The following TRAPPC9 variants were observed in gnomAD, a reference collection of about 807,000 sequenced individuals.
TRAPPC9 encodes the protein IKK2 binding protein.
TRAPPC9 carries 83 observed loss-of-function variants against 124.0 expected under a neutral mutation model. That is an observed-to-expected ratio of 0.67 (90% CI 0.56 to 0.80). The LOEUF is 0.80. Ranked by LOEUF, TRAPPC9 falls within the 30% of genes least tolerant of loss-of-function variation. The probability of loss-of-function intolerance (pLI) is 0.00; values close to 1 mark genes in which losing one functional copy is unlikely to be tolerated. For synonymous variants in TRAPPC9, 638 were observed against 617.5 expected, an observed-to-expected ratio of 1.03 and a Z score of -0.49; for missense variants, 1,302 against 1,508.3, an observed-to-expected ratio of 0.86 and a Z score of 2.27.
At chr8:140,061,556 A>G (rs1266008756) in intron 17 of TRAPPC9, among the ~76,000 whole-genome samples, 3 of 152,098 alleles carry the variant, frequency 2.0e-5, no homozygotes, top group African/African-American at 7.2e-5. Context: ...AGCCTTGAAC[A>G]AAGGAGAGGC....
rs117397013 is a variant in TRAPPC9 at position 140,051,733 on chromosome 8, G to A, written c.2557-27654C>T. ...TTATTTAAGGATGCATCGTAAGGAC[G>A]GCTGCTCCCCCACGTAGGACAAAGG... On this transcript the variant is annotated intron_variant, in intron 17 of 22. Coordinates refer to ENST00000438773, the MANE Select transcript of TRAPPC9 (RefSeq NM_001160372.4). Among the ~76,000 whole-genome samples the A allele has an allele frequency of 7.7e-3, 1,167 of 152,144 alleles. 5 individuals are homozygous for A. The highest frequency in any genetic ancestry group is 0.013 in the Non-Finnish European group (862 of 68,012).
At chr8:140,112,334 CGAT>C (rs1308874049) in intron 17 of TRAPPC9, among the ~76,000 whole-genome samples, 5 of 142,624 alleles carry the variant, frequency 3.5e-5, no homozygotes, top group Non-Finnish European at 7.6e-5. Context: ...GAATTCCAGA[CGAT>C]GGTGGGACAG....
intron 21 of TRAPPC9, among the ~76,000 whole-genome samples, chr8:139,756,747 G>C (rs1276428948): frequency 7.4e-6 from 1 of 135,054 alleles, no homozygotes; most frequent in African/African-American, 2.9e-5. Context: ...CCAGGGTTGG[G>C]GTATAAGGAC....
At chr8:140,114,301 T>C (rs887937354) in intron 17 of TRAPPC9, among the ~76,000 whole-genome samples, 1 of 134,658 alleles carries the variant, frequency 7.4e-6, no homozygotes, top group Non-Finnish European at 1.5e-5. Flanking sequence ...ATGTGCCTAG[T>C]GATGGGTTCA....
At chr8:140,102,516 C>G (rs570788158) in intron 17 of TRAPPC9, among the ~76,000 whole-genome samples, 9 of 152,158 alleles carry the variant, frequency 5.9e-5, no homozygotes, top group Admixed American at 2.6e-4. Flanking sequence ...CACACACAGA[C>G]ATAGACATGG....
In TRAPPC9 at chr8:139,835,805, A is replaced by G. The variant is rs142413035; in HGVS notation, c.3055+50074T>C. Among the ~76,000 whole-genome samples, 153 of 152,226 alleles carry G rather than the reference A, an allele frequency of 1.0e-3. 2 individuals carry two copies. The highest frequency in any genetic ancestry group is 3.4e-3 in the Middle Eastern group (1 of 294). ...AAAAAAGCTTCCCTAGAAAGCCCACAGAATCCGTTACAAAAAGGATGAGGC... is the reference window on the plus strand; with the variant it reads ...AAAAAAGCTTCCCTAGAAAGCCCACGGAATCCGTTACAAAAAGGATGAGGC... On this transcript the variant is annotated intron_variant, in intron 21 of 22. Coordinates refer to ENST00000438773, the MANE Select transcript of TRAPPC9 (RefSeq NM_001160372.4).
intron 17 of TRAPPC9, among the ~76,000 whole-genome samples, chr8:140,088,347 G>A (rs1844337654): frequency 6.6e-6 from 1 of 152,138 alleles, no homozygotes; most frequent in African/African-American, 2.4e-5. Flanking sequence ...TCACCTAAGA[G>A]GTATCCATCC....
At chr8:139,813,639 T>C (rs1824599107) in intron 21 of TRAPPC9, among the ~76,000 whole-genome samples, 1 of 152,176 alleles carries the variant, frequency 6.6e-6, no homozygotes, top group African/African-American at 2.4e-5. Context: ...TGGGCCCAGC[T>C]CTGCTCAGCA....
At chr8:139,861,020 G>A (rs1828105145) in intron 21 of TRAPPC9, among the ~76,000 whole-genome samples, 1 of 152,250 alleles carries the variant, frequency 6.6e-6, no homozygotes, top group African/African-American at 2.4e-5. Flanking sequence ...CTTTCCCACA[G>A]CAGCCCTTCT....
Position 140,023,836 on chromosome 8 carries a change from T to A in TRAPPC9, c.2699+101A>T, listed in dbSNP as rs1328333519. The A allele has an allele frequency of 2.5e-6, 4 of 1,573,048 alleles. No homozygotes were observed. In the African/African-American group the frequency reaches 4.0e-5, roughly 16 times the overall value. Reference sequence around the variant, plus strand: ...CAGCAACTTGGCCCCATGGCACGGATCTGACGGGATGCATGACAAAAACAC... The same window carrying A: ...CAGCAACTTGGCCCCATGGCACGGAACTGACGGGATGCATGACAAAAACAC... On this transcript the variant is annotated intron_variant, in intron 18 of 22. Coordinates refer to ENST00000438773, the MANE Select transcript of TRAPPC9 (RefSeq NM_001160372.4).
chr8:139,997,815 G>GGAAACAAAACAACAAATTTTTCTAA (rs1838128023), intron 18 of TRAPPC9, among the ~76,000 whole-genome samples: 1 of 145,520 alleles, frequency 6.9e-6, no homozygotes, highest in African/African-American at 2.6e-5. Flanking sequence ...CCTACACAGG[G>GGAAACAAAACAACAAATTTTTCTAA]AGACAATGCA....
chr8:139,985,056 C>T (rs947103506), intron 19 of TRAPPC9, among the ~76,000 whole-genome samples: 2 of 152,070 alleles, frequency 1.3e-5, no homozygotes, highest in Admixed American at 6.5e-5. Flanking sequence ...CAGCAAATTG[C>T]TGAAGTATCA....
chr8:139,744,712 C>T (rs1818777232), intron 21 of TRAPPC9, among the ~76,000 whole-genome samples: 1 of 152,220 alleles, frequency 6.6e-6, no homozygotes. Context: ...GTTCATAAAC[C>T]AGGACGCCTC....
intron 4 of TRAPPC9, among the ~76,000 whole-genome samples, chr8:140,431,374 T>C (rs981087986): frequency 2.0e-5 from 3 of 151,888 alleles, no homozygotes; most frequent in African/African-American, 7.3e-5. Flanking sequence ...GGAGAATTGC[T>C]TGAACCCAGG....
At chr8:139,798,267 C>T (rs1823240974) in intron 21 of TRAPPC9, among the ~76,000 whole-genome samples, 1 of 152,266 alleles carries the variant, frequency 6.6e-6, no homozygotes, top group South Asian at 2.1e-4. Context: ...TTTTCTGCTG[C>T]TATTGTAGAT....
intron 17 of TRAPPC9, among the ~76,000 whole-genome samples, chr8:140,060,164 C>T (rs1842514962): frequency 1.3e-5 from 2 of 152,318 alleles, no homozygotes; most frequent in South Asian, 4.1e-4. Context: ...TTTTCCAGTC[C>T]TCTTAAGGCA....
intron 21 of TRAPPC9, among the ~76,000 whole-genome samples, chr8:139,866,491 A>T (rs2131009471): frequency 6.6e-6 from 1 of 152,306 alleles, no homozygotes; most frequent in East Asian, 1.9e-4. Context: ...AACCTGTGGG[A>T]TCTCTGGGCT....
intron 21 of TRAPPC9, among the ~76,000 whole-genome samples, chr8:139,822,172 G>T (rs1200720987): frequency 6.6e-6 from 1 of 152,256 alleles, no homozygotes; most frequent in South Asian, 2.1e-4. Flanking sequence ...CCAGGCCGTG[G>T]GGGAGGAGAG....
chr8:140,399,095 C>G (rs35162764), intron 6 of TRAPPC9, among the ~76,000 whole-genome samples: 52,705 of 152,122 alleles, frequency 0.35, 9,291 homozygotes, highest in South Asian at 0.45. Flanking sequence ...GTGGGTGCAC[C>G]GAAGTCAATA....
Sources: gnomAD v4.1 joint callset for allele counts (sites outside exome capture counted in the v4.1 genomes callset) on GRCh38, gnomAD v4.1.1 for gene constraint, MANE v1.5 for transcripts, NCBI Gene and HGNC (gene_info 2026-07-23, HGNC 2026-07-21) for gene names.